HIPK2: variants seen among roughly 807,000 people sequenced by gnomAD.
The protein encoded by HIPK2 is homeodomain-interacting protein kinase 2.
A neutral mutation model predicts 113.7 loss-of-function variants in HIPK2; 27 were observed. The ratio of observed to expected loss-of-function variants is 0.24; its 90% CI spans 0.17 to 0.33. The LOEUF (loss-of-function observed/expected upper bound fraction) is 0.33. HIPK2 is among the 10% of genes least tolerant of loss of function. The pLI is 1.00. For missense variants in HIPK2, 1,257 were observed against 1,588.0 expected (o/e 0.79, Z 3.54); for synonymous variants, 631 against 642.2 (o/e 0.98, Z 0.26).
At chr7:139,732,423 T>C (rs1031337290) in intron 1 of HIPK2, among the ~76,000 whole-genome samples, 1 of 152,220 alleles carries the variant, frequency 6.6e-6, no homozygotes, top group Admixed American at 6.5e-5. Flanking sequence ...CCCACTCAGA[T>C]AATACTGGTT....
chr7:139,612,578 A>G (rs1799873206), intron 9 of HIPK2, among the ~76,000 whole-genome samples: 1 of 152,220 alleles, frequency 6.6e-6, no homozygotes, highest in African/African-American at 2.4e-5. Flanking sequence ...GCCCTGGTAT[A>G]ATGATGATGT....
At chr7:139,624,437 T>C (rs2116859095) in intron 6 of HIPK2, among the ~76,000 whole-genome samples, 1 of 152,302 alleles carries the variant, frequency 6.6e-6, no homozygotes, top group Admixed American at 6.5e-5. Context: ...AGGTCCCTTT[T>C]TAAATACCCT....
chr7:139,619,950 TG>T (rs1447367732), intron 7 of HIPK2, among the ~76,000 whole-genome samples: 1 of 152,108 alleles, frequency 6.6e-6, no homozygotes, highest in Non-Finnish European at 1.5e-5. Context: ...TCTGTAGAGA[TG>T]GCGTCTCACT....
chr7:139,749,216 T>C (rs2117102976), intron 1 of HIPK2, among the ~76,000 whole-genome samples: 1 of 152,356 alleles, frequency 6.6e-6, no homozygotes, highest in East Asian at 1.9e-4. Context: ...GGACGGTCAC[T>C]GTCATCATAC....
chr7:139,700,889 G>C (rs1268102606), intron 2 of HIPK2, among the ~76,000 whole-genome samples: 1 of 152,188 alleles, frequency 6.6e-6, no homozygotes, highest in Non-Finnish European at 1.5e-5. Flanking sequence ...AAAATCACTT[G>C]CAGAATAAAC....
intron 1 of HIPK2, among the ~76,000 whole-genome samples, chr7:139,764,125 T>G (rs1447622382): frequency 6.6e-6 from 1 of 152,238 alleles, no homozygotes; most frequent in Admixed American, 6.5e-5. Flanking sequence ...ATCAAAACTA[T>G]ATGCTAAGAT....
intron 1 of HIPK2, among the ~76,000 whole-genome samples, chr7:139,737,667 C>T (rs73158615): frequency 0.055 from 8,319 of 152,206 alleles, 295 homozygotes; most frequent in Non-Finnish European, 0.082. Context: ...CCCATTGGTC[C>T]TGGGCCGCAT....
At chr7:139,724,960 T>G (rs1392003992) in intron 1 of HIPK2, among the ~76,000 whole-genome samples, 2 of 152,086 alleles carry the variant, frequency 1.3e-5, no homozygotes, top group African/African-American at 2.4e-5. Flanking sequence ...CAGAATTCTT[T>G]TGTCAATAAT....
intron 13 of HIPK2, among the ~76,000 whole-genome samples, chr7:139,582,856 G>A (rs559493123): frequency 4.9e-4 from 75 of 152,296 alleles, no homozygotes; most frequent in Non-Finnish European, 8.2e-4. Context: ...ACCCCATCCT[G>A]CCTCTACGCT....
At chr7:139,774,392 A>T (rs942662201) in intron 1 of HIPK2, among the ~76,000 whole-genome samples, 3 of 152,226 alleles carry the variant, frequency 2.0e-5, no homozygotes, top group African/African-American at 7.2e-5. Context: ...ATCAAGGATA[A>T]AATTAAGGCA....
intron 1 of HIPK2, among the ~76,000 whole-genome samples, chr7:139,776,176 G>GTT (rs1184532337): frequency 1.3e-5 from 2 of 152,118 alleles, no homozygotes; most frequent in African/African-American, 4.8e-5. Context: ...ATTTCGTTTT[G>GTT]TTTTGTCGAA....
intron 1 of HIPK2, among the ~76,000 whole-genome samples, chr7:139,767,991 T>C (rs1181927144): frequency 6.6e-6 from 1 of 152,254 alleles, no homozygotes; most frequent in Non-Finnish European, 1.5e-5. Context: ...TGAGATTCCC[T>C]GCCCAAAAGG....
Position 139,716,223 on chromosome 7 carries a change from T to C in HIPK2, c.812A>G (p.Asn271Ser), listed in dbSNP as rs758451789. ...VRAYECFQHK[N>S]HTCLVFEMLE... Reference sequence around the variant, plus strand: ...CATCTCGAAGACCAAGCACGTGTGGTTCTTGTGCTGGAAGCATTCGTAGGC... The same window carrying C: ...CATCTCGAAGACCAAGCACGTGTGGCTCTTGTGCTGGAAGCATTCGTAGGC... The change falls in exon 2 of 15, where the codon AAC (asparagine) becomes AGC (serine). Residue 271 changes from asparagine (N) to serine (S), a missense_variant. This residue lies in a region of HIPK2 where 78 missense variants were observed against 145.7 expected (regional missense o/e 0.54). Coordinates refer to ENST00000406875, the MANE Select transcript of HIPK2 (RefSeq NM_022740.5). The surrounding 1 kb of genome is among the most constrained non-coding windows in gnomAD (Gnocchi z 9.3). The C allele has an allele frequency of 1.9e-6, 3 of 1,613,992 alleles. No individual in the cohort carries two copies. The highest frequency in any genetic ancestry group is 2.2e-5 in the South Asian group (2 of 91,074).
rs1801001139 is a variant in HIPK2, at chr7:139,641,135, T to G, written c.1104-9410A>C. Among the ~76,000 whole-genome samples, 3 of 152,076 alleles carry G rather than the reference T, an allele frequency of 2.0e-5. No homozygotes were observed. The South Asian group carries it at 6.2e-4, about 32-fold the overall frequency. ...ATCCCAGTACTTTGGGAGGCCGAGG[T>G]AGGTGGATCACCTGAGGTCAGGAGT... On this transcript the variant is annotated intron_variant, in intron 2 of 14. Coordinates refer to ENST00000406875, the MANE Select transcript of HIPK2 (RefSeq NM_022740.5).
intron 1 of HIPK2, among the ~76,000 whole-genome samples, chr7:139,769,260 C>G (rs1585468888): frequency 6.6e-6 from 1 of 151,984 alleles, no homozygotes; most frequent in Non-Finnish European, 1.5e-5. Context: ...CAGTGCCTTC[C>G]ACCGCACCAC....
At chr7:139,702,036 C>A (rs1794723520) in intron 2 of HIPK2, among the ~76,000 whole-genome samples, 3 of 152,150 alleles carry the variant, frequency 2.0e-5, no homozygotes, top group African/African-American at 7.2e-5. Flanking sequence ...GCAGGGAGCA[C>A]ACGAGGAGCA....
At chr7:139,738,218 A>G (rs1795994039) in intron 1 of HIPK2, among the ~76,000 whole-genome samples, 1 of 152,262 alleles carries the variant, frequency 6.6e-6, no homozygotes, top group Non-Finnish European at 1.5e-5. Flanking sequence ...ACAGTGGCTC[A>G]GATAAAAATA....
At chr7:139,734,371 T>C (rs1213786922) in intron 1 of HIPK2, among the ~76,000 whole-genome samples, 2 of 152,202 alleles carry the variant, frequency 1.3e-5, no homozygotes, top group Non-Finnish European at 2.9e-5. Flanking sequence ...ATGCTCTGGT[T>C]TGGTTTGCAA....
At chr7:139,748,818 C>G (rs966831877) in intron 1 of HIPK2, among the ~76,000 whole-genome samples, 3 of 152,072 alleles carry the variant, frequency 2.0e-5, no homozygotes, top group Admixed American at 2.0e-4. Context: ...CCCTCAAAGC[C>G]TCAAAGAAAA....
Sources: gnomAD v4.1 joint callset for allele counts (sites outside exome capture counted in the v4.1 genomes callset) on GRCh38, gnomAD v4.1.1 for gene constraint, gnomAD v4.1.1 regional missense constraint, Gnocchi (gnomAD v3.1) non-coding constraint, MANE v1.5 for transcripts, NCBI Gene and HGNC (gene_info 2026-07-23, HGNC 2026-07-21) for gene names.